The following WARS2 variants were observed in gnomAD, a reference collection of about 807,000 sequenced individuals.
WARS2 encodes tryptophan--tRNA ligase, mitochondrial.
A neutral mutation model predicts 36.5 loss-of-function variants in WARS2; 28 were observed. That is an observed-to-expected ratio of 0.77 (90% CI 0.57 to 1.05). The LOEUF is 1.05. Among genes scored for constraint, WARS2 ranks in the 50% least tolerant of loss-of-function variants. WARS2 has a pLI of 0.00. For missense variants in WARS2, 435 were observed against 456.8 expected (o/e 0.95, Z 0.44); for synonymous variants, 174 against 178.4 (o/e 0.98, Z 0.20).
Position 119,045,678 on chromosome 1 carries a change from A to C in WARS2, c.349-16T>G, listed in dbSNP as rs374761461. The C allele has an allele frequency of 5.7e-6, 9 of 1,568,960 alleles. No individual in the cohort carries two copies. The African/African-American group carries it at 8.1e-5, about 14-fold the overall frequency. On this transcript the variant is annotated splice_polypyrimidine_tract_variant and intron_variant, in intron 2 of 5. Coordinates refer to ENST00000235521, the MANE Select transcript of WARS2 (RefSeq NM_015836.4). ...GTTCAGACACCTAAAGAAATAAAAT[A>C]GAACATTAGTAAAGGTGGCCAGTGT...
At chr1:119,091,887 A>C (rs1653075253) in intron 1 of WARS2, among the ~76,000 whole-genome samples, 1 of 152,238 alleles carries the variant, frequency 6.6e-6, no homozygotes, top group African/African-American at 2.4e-5. Context: ...TACACAGCAC[A>C]GTGTCTGCCT....
intron 1 of WARS2, among the ~76,000 whole-genome samples, chr1:119,083,712 A>C (rs949991285): frequency 1.3e-5 from 2 of 152,228 alleles, no homozygotes; most frequent in African/African-American, 4.8e-5. Context: ...TGCAAAGGTT[A>C]TACGTAAGTA....
chr1:119,122,421 G>A (rs1191375688), intron 1 of WARS2, among the ~76,000 whole-genome samples: 1 of 152,128 alleles, frequency 6.6e-6, no homozygotes, highest in African/African-American at 2.4e-5. Context: ...GTGGTGAGAA[G>A]GAACAGTTTT....
chr1:119,073,409 T>C (rs890590470), intron 2 of WARS2, among the ~76,000 whole-genome samples: 4 of 152,214 alleles, frequency 2.6e-5, no homozygotes, highest in South Asian at 4.1e-4. Flanking sequence ...AAGTTTATCT[T>C]AGGTTACAAA....
chr1:119,087,772 A>G (rs1571340653), intron 1 of WARS2, among the ~76,000 whole-genome samples: 1 of 152,356 alleles, frequency 6.6e-6, no homozygotes, highest in East Asian at 1.9e-4. Context: ...AAACATCCTC[A>G]TGCATTAATT....
intron 1 of WARS2, among the ~76,000 whole-genome samples, chr1:119,136,907 T>C (rs1656549603): frequency 6.6e-6 from 1 of 152,206 alleles, no homozygotes; most frequent in Admixed American, 6.5e-5. Flanking sequence ...GTGGTATTCT[T>C]GCCAAAAATC....
Position 119,140,535 on chromosome 1 carries a change from G to T in WARS2, c.90+20C>A, listed in dbSNP as rs1260791684. On this transcript the variant is annotated intron_variant, in intron 1 of 5. Coordinates refer to ENST00000235521, the MANE Select transcript of WARS2 (RefSeq NM_015836.4). The stretch of plus-strand genomic sequence containing the variant: ...CTCGCGGGATGGGAAGCCGCGGAGG[G>T]AAGGGCCGTCTTTGGTTACCTGGAG... 4 of 1,610,166 alleles carry T rather than the reference G, an allele frequency of 2.5e-6. No individual in the cohort carries two copies. The highest frequency in any genetic ancestry group is 3.4e-6 in the Non-Finnish European group (4 of 1,177,252).
chr1:119,086,097 T>C, intron 1 of WARS2: 10 of 890,280 alleles, frequency 1.1e-5, no homozygotes, highest in Non-Finnish European at 1.7e-5. Context: ...TAGCCTTAAG[T>C]GATCCTCTTG....
chr1:119,090,375 T>A (rs1198358533), intron 1 of WARS2, among the ~76,000 whole-genome samples: 1 of 152,084 alleles, frequency 6.6e-6, no homozygotes, highest in African/African-American at 2.4e-5. Flanking sequence ...CTTCCTTAGC[T>A]GTAAAATGGG....
intron 1 of WARS2, among the ~76,000 whole-genome samples, chr1:119,132,201 C>T (rs1656166353): frequency 6.6e-6 from 1 of 152,130 alleles, no homozygotes; most frequent in Non-Finnish European, 1.5e-5. Flanking sequence ...TAGAGCCAGG[C>T]CTGGCTGATC....
intron 1 of WARS2, among the ~76,000 whole-genome samples, chr1:119,102,353 G>A (rs928487344): frequency 3.3e-5 from 5 of 152,138 alleles, no homozygotes; most frequent in African/African-American, 9.7e-5. Flanking sequence ...GGTAACCTCA[G>A]TTCTTACTTT....
chr1:119,123,622 A>ACG (rs1419069025), intron 1 of WARS2, among the ~76,000 whole-genome samples: 2 of 150,902 alleles, frequency 1.3e-5, no homozygotes, highest in Admixed American at 6.6e-5. Flanking sequence ...ACACACACAC[A>ACG]CGTTAATGTT....
In WARS2 at chr1:119,057,714, C is replaced by A. The variant is rs1473981089; in HGVS notation, c.349-12052G>T. Among the ~76,000 whole-genome samples, 6 of 151,198 alleles carry A rather than the reference C, an allele frequency of 4.0e-5. 1 individual carries two copies. ...CTGAGGCAGGAGGATTGTTTGAACC[C>A]GGGAGGCAGAGGTTTCAGTGAGCCG... is the stretch of plus-strand genomic sequence containing the variant. On this transcript the variant is annotated intron_variant, in intron 2 of 5. Transcript: ENST00000235521.
chr1:119,080,269 A>G (rs972514591), intron 1 of WARS2, among the ~76,000 whole-genome samples: 1 of 152,234 alleles, frequency 6.6e-6, no homozygotes, highest in Admixed American at 6.5e-5. Flanking sequence ...AGGAATTTTA[A>G]GTTGAAAATA....
At chr1:119,121,840 A>T (rs185580519) in intron 1 of WARS2, among the ~76,000 whole-genome samples, 1 of 152,210 alleles carries the variant, frequency 6.6e-6, no homozygotes, top group Non-Finnish European at 1.5e-5. Context: ...GGCAAGCCAC[A>T]TATAGAATAA....
intron 1 of WARS2, chr1:119,085,821 T>C: frequency 2.5e-6 from 4 of 1,610,224 alleles, no homozygotes; most frequent in South Asian, 2.2e-5. Context: ...AGTCAGCTCA[T>C]AAGGAAGCCC....
chr1:119,130,574 C>CTT (rs1202316849), intron 1 of WARS2, among the ~76,000 whole-genome samples: 1 of 152,102 alleles, frequency 6.6e-6, no homozygotes, highest in Non-Finnish European at 1.5e-5. Context: ...ATAATAAGAT[C>CTT]ACTTATTAAC....
intron 2 of WARS2, among the ~76,000 whole-genome samples, chr1:119,061,842 C>A (rs1462375797): frequency 3.9e-5 from 6 of 151,974 alleles, no homozygotes; most frequent in Non-Finnish European, 8.8e-5. Flanking sequence ...TCTGTATTTA[C>A]CAGATAAAAC....
At chr1:119,045,543 G>C in intron 3 of WARS2, 39 bp downstream of exon 3, 5 of 1,530,484 alleles carry the variant, frequency 3.3e-6, no homozygotes, top group Non-Finnish European at 4.5e-6. Flanking sequence ...GGGAAAAATA[G>C]CTTCTTGTCT....
Sources: gnomAD v4.1 joint callset for allele counts (sites outside exome capture counted in the v4.1 genomes callset) on GRCh38, gnomAD v4.1.1 for gene constraint, MANE v1.5 for transcripts, NCBI Gene and HGNC (gene_info 2026-07-23, HGNC 2026-07-21) for gene names.